Variants in NTN4 observed in about 807,000 individuals in gnomAD.
NTN4 encodes the protein netrin 4.
In NTN4, 32 loss-of-function variants were observed where a neutral mutation model predicts 73.6. That is an observed-to-expected ratio of 0.44 (90% CI 0.33 to 0.58). The LOEUF (loss-of-function observed/expected upper bound fraction) is 0.58, where lower values mean the gene tolerates loss of function less well. NTN4 is among the 20% of genes least tolerant of loss of function. The pLI is 0.04. For synonymous variants in NTN4, 258 were observed against 287.5 expected (o/e 0.90, Z 1.04); for missense variants, 654 against 798.3 (o/e 0.82, Z 2.18).
intron 2 of NTN4, among the ~76,000 whole-genome samples, chr12:95,760,629 G>A (rs1459937148): frequency 6.6e-6 from 1 of 151,604 alleles, no homozygotes; most frequent in Non-Finnish European, 1.5e-5. Context: ...TTCTTTCTCA[G>A]AGCACGGTCT....
rs1378980429 is a variant in NTN4 at position 95,789,429 on chromosome 12, T to C, written c.55+826A>G. Among the ~76,000 whole-genome samples the C allele has an allele frequency of 1.3e-5, 2 of 152,126 alleles. No homozygotes were observed. Among genetic ancestry groups the C allele is most frequent in the Non-Finnish European group, 2.9e-5 (2 of 68,026 alleles). On this transcript the variant is annotated intron_variant, in intron 1 of 9. Transcript: ENST00000343702. The surrounding 1 kb of genome is among the most constrained non-coding windows in gnomAD (Gnocchi z 4.0). ...TCACCTACAGGGCTGCGCTTACGCC[T>C]AACTGGAAACCAGGTGACCCGCAAG... is the stretch of plus-strand genomic sequence containing the variant.
At chr12:95,775,996 T>C (rs1427208634) in intron 2 of NTN4, among the ~76,000 whole-genome samples, 1 of 152,242 alleles carries the variant, frequency 6.6e-6, no homozygotes, top group Non-Finnish European at 1.5e-5. Flanking sequence ...CAACATTTGC[T>C]GTTCAGCAAT....
chr12:95,731,995 G>A (rs1166214899), intron 3 of NTN4, among the ~76,000 whole-genome samples: 1 of 151,974 alleles, frequency 6.6e-6, no homozygotes, highest in Non-Finnish European at 1.5e-5. Context: ...TTCAGTAAGG[G>A]GTAACTGTTG....
In NTN4 at chr12:95,755,212, A is replaced by G. The variant is rs555110692; in HGVS notation, c.586-17068T>C. ...TTGACTCGTGAAACCAATTTCTGGC[A>G]TCGCCTAAGTTGACATTTTGGTACC... is the stretch of plus-strand genomic sequence containing the variant. On this transcript the variant is annotated intron_variant, in intron 2 of 9. Transcript: ENST00000343702. Among the ~76,000 whole-genome samples, 7 of 152,368 alleles carry G rather than the reference A, an allele frequency of 4.6e-5. No homozygotes were observed. The East Asian group carries it at 1.3e-3, about 29-fold the overall frequency.
chr12:95,749,875 G>C (rs2078891063), intron 2 of NTN4, among the ~76,000 whole-genome samples: 1 of 149,142 alleles, frequency 6.7e-6, no homozygotes, highest in South Asian at 2.1e-4. Context: ...TCTGGGAGAG[G>C]GGCAAGTACC....
At chr12:95,702,338 G>A (rs1030547866) in intron 5 of NTN4, among the ~76,000 whole-genome samples, 1 of 148,978 alleles carries the variant, frequency 6.7e-6, no homozygotes, top group Non-Finnish European at 1.5e-5. Flanking sequence ...AGGACAAACT[G>A]TATTTCAGCA....
intron 2 of NTN4, among the ~76,000 whole-genome samples, chr12:95,742,564 T>G (rs955482145): frequency 1.3e-5 from 2 of 152,218 alleles, no homozygotes; most frequent in African/African-American, 4.8e-5. Context: ...TTATAAAAAT[T>G]TGTAATAATA....
chr12:95,674,201 T>C (rs924913761), intron 7 of NTN4, among the ~76,000 whole-genome samples: 1 of 152,026 alleles, frequency 6.6e-6, no homozygotes, highest in African/African-American at 2.4e-5. Flanking sequence ...CCTAAGTGAA[T>C]AGCCTATGGC....
intron 2 of NTN4, among the ~76,000 whole-genome samples, chr12:95,754,083 T>C (rs934326344): frequency 6.6e-6 from 1 of 152,208 alleles, no homozygotes; most frequent in Non-Finnish European, 1.5e-5. Context: ...GGCAGGACTA[T>C]GCTGAATCTC....
At position 95,713,357 on chromosome 12, in the gene NTN4, GAGAACTATGAGCAC is replaced by G; in HGVS notation, c.865-33_865-20del. ...CATGGACCTACAAGCAACATCAAGTGAGAACTATGAGCACACATGTCGCCAAAGAAGAACAGAAC... is the reference window on the plus strand; with the variant it reads ...CATGGACCTACAAGCAACATCAAGTGACATGTCGCCAAAGAAGAACAGAAC... On this transcript the variant is annotated intron_variant, in intron 3 of 9. Coordinates refer to ENST00000343702, the MANE Select transcript of NTN4 (RefSeq NM_021229.4). 6.4e-7 allele frequency: 1 copy of G among 1,566,800 alleles called. No individual in the cohort carries two copies. The highest frequency in any genetic ancestry group is 8.7e-7 in the Non-Finnish European group (1 of 1,146,618).
At chr12:95,704,665 C>T (rs2078510461) in intron 5 of NTN4, among the ~76,000 whole-genome samples, 1 of 152,150 alleles carries the variant, frequency 6.6e-6, no homozygotes, top group Admixed American at 6.5e-5. Flanking sequence ...ACTGGATGTG[C>T]TGATAAATGT....
chr12:95,776,503 A>G (rs887652329), intron 2 of NTN4, among the ~76,000 whole-genome samples: 3 of 152,240 alleles, frequency 2.0e-5, no homozygotes, highest in African/African-American at 4.8e-5. Context: ...CATGAGAACT[A>G]CGTGACACAT....
At chr12:95,774,438 C>T (rs2079078233) in intron 2 of NTN4, among the ~76,000 whole-genome samples, 1 of 152,176 alleles carries the variant, frequency 6.6e-6, no homozygotes, top group Non-Finnish European at 1.5e-5. Context: ...AAGGCTTCAA[C>T]AGCTATTAGC....
intron 5 of NTN4, among the ~76,000 whole-genome samples, chr12:95,691,916 C>G (rs1360280711): frequency 6.6e-6 from 1 of 152,142 alleles, no homozygotes; most frequent in Admixed American, 6.5e-5. Flanking sequence ...CCCAAAACAT[C>G]TGCCCTAACC....
intron 5 of NTN4, among the ~76,000 whole-genome samples, chr12:95,708,858 T>C (rs2468357): frequency 0.81 from 123,670 of 152,158 alleles, 50,371 homozygotes; most frequent in South Asian, 0.86. Context: ...CTTCAATAGC[T>C]GGCATAACAT....
chr12:95,751,513 G>A (rs1184782035), intron 2 of NTN4, among the ~76,000 whole-genome samples: 51 of 151,176 alleles, frequency 3.4e-4, no homozygotes, highest in African/African-American at 7.3e-4. Flanking sequence ...CTCCTAAGCC[G>A]CATCCCATCT....
intron 3 of NTN4, among the ~76,000 whole-genome samples, chr12:95,715,896 T>A (rs1249764322): frequency 6.6e-6 from 1 of 152,086 alleles, no homozygotes; most frequent in African/African-American, 2.4e-5. Context: ...GATTCTTTGT[T>A]TTACTTGTAG....
chr12:95,666,628 G>T (rs886527415), intron 8 of NTN4, among the ~76,000 whole-genome samples: 1 of 152,138 alleles, frequency 6.6e-6, no homozygotes, highest in African/African-American at 2.4e-5. Flanking sequence ...CATCTAAACA[G>T]AGAGAGGAAA....
At chr12:95,771,012 C>G (rs1314370081) in intron 2 of NTN4, among the ~76,000 whole-genome samples, 2 of 89,902 alleles carry the variant, frequency 2.2e-5, no homozygotes, top group Admixed American at 9.1e-5. Flanking sequence ...TTTTTTGAGA[C>G]AGAGTCTCGC....
Sources: allele counts gnomAD v4.1 joint callset (sites outside exome capture counted in the v4.1 genomes callset), GRCh38; gene constraint gnomAD v4.1.1; non-coding constraint Gnocchi (gnomAD v3.1); transcripts MANE v1.5; gene names NCBI Gene and HGNC (gene_info 2026-07-23, HGNC 2026-07-21).